TAB2: variants seen among roughly 807,000 people sequenced by gnomAD.
TAB2 encodes TGF-beta activated kinase 1 (MAP3K7) binding protein 2.
Under a neutral mutation model 65.0 loss-of-function variants are expected in TAB2, and 3 were observed. That is an observed-to-expected ratio of 0.05 (90% CI 0.02 to 0.12). TAB2 has a LOEUF of 0.12. TAB2 is among the 10% of genes least tolerant of loss of function. The pLI, the probability that TAB2 is intolerant of heterozygous loss-of-function variation, is 1.00. For missense variants in TAB2, 623 were observed against 840.3 expected (o/e 0.74, Z 3.20); for synonymous variants, 298 against 285.1 (o/e 1.05, Z -0.46).
chr6:149,267,615 G>A (rs1778287415), intron 1 of TAB2, among the ~76,000 whole-genome samples: 1 of 152,034 alleles, frequency 6.6e-6, no homozygotes, highest in Non-Finnish European at 1.5e-5. Context: ...TTGCAGTCAG[G>A]TGTCACTAAC....
At chr6:149,297,463 T>C (rs1235369416) in intron 1 of TAB2, among the ~76,000 whole-genome samples, 1 of 152,186 alleles carries the variant, frequency 6.6e-6, no homozygotes, top group African/African-American at 2.4e-5. Context: ...CCTACTGCAT[T>C]GTTTTAATTT....
chr6:149,278,023 T>G (rs1188409436), intron 1 of TAB2, among the ~76,000 whole-genome samples: 4 of 152,208 alleles, frequency 2.6e-5, no homozygotes, highest in Non-Finnish European at 5.9e-5. Flanking sequence ...TATTTCTCCC[T>G]AGCGAAGCTA....
intron 1 of TAB2, among the ~76,000 whole-genome samples, chr6:149,321,855 A>G (rs1779465493): frequency 1.3e-5 from 2 of 152,170 alleles, no homozygotes; most frequent in African/African-American, 2.4e-5. Flanking sequence ...TTAAAAGTAC[A>G]TTTGTTCAAA....
rs751228202 is a variant in TAB2 at position 149,258,964 on chromosome 6, G to A, written c.-121+40188G>A. Among the ~76,000 whole-genome samples the A allele has an allele frequency of 2.0e-5, 3 of 152,194 alleles. No individual in the cohort carries two copies. The East Asian group carries it at 5.8e-4, about 29-fold the overall frequency. ...ACAACCCACTGCTGGCTTTGAAAATGGAGGAAAGGGCCACAAACCAAAGAA... is the reference window on the plus strand; with the variant it reads ...ACAACCCACTGCTGGCTTTGAAAATAGAGGAAAGGGCCACAAACCAAAGAA... On this transcript the variant is annotated intron_variant, in intron 1 of 1. Coordinates refer to the TAB2 transcript ENST00000606202.
chr6:149,335,752 TTG>T (rs1779915939), intron 1 of TAB2, among the ~76,000 whole-genome samples: 1 of 152,088 alleles, frequency 6.6e-6, no homozygotes, highest in Admixed American at 6.6e-5. Flanking sequence ...TATGAAGTGT[TTG>T]TGATTAAAAT....
intron 1 of TAB2, among the ~76,000 whole-genome samples, chr6:149,227,949 C>T (rs898550201): frequency 6.6e-6 from 1 of 152,004 alleles, no homozygotes; most frequent in African/African-American, 2.4e-5. Flanking sequence ...AAGAAGCCAG[C>T]GTAGCCACAG....
chr6:149,403,295 C>CATAT (rs1190885445), intron 6 of TAB2, among the ~76,000 whole-genome samples: 176 of 76,398 alleles, frequency 2.3e-3, no homozygotes, highest in Admixed American at 4.0e-3. Context: ...CACACACACA[C>CATAT]ATATATATAT....
chr6:149,382,903 C>T (rs1781664526), intron 3 of TAB2, among the ~76,000 whole-genome samples: 1 of 152,132 alleles, frequency 6.6e-6, no homozygotes, highest in African/African-American at 2.4e-5. Context: ...CCTGAAATCC[C>T]AGCACTTTGG....
At position 149,378,220 on chromosome 6, in the gene TAB2, C is replaced by T. The variant is rs1459517185; in HGVS notation, c.305C>T (p.Thr102Ile). ...GGAAGTAGGATGAATGGAAGTAGGA[C>T]TCTAACGCACAGCATTAGTGATGGA... ...REGSRMNGSR[T>I]LTHSISDGQL... Residue 102 changes from threonine to isoleucine, a missense_variant, in exon 3 of 7, where the codon ACT becomes ATT. Physicochemically the swap from Thr to Ile is moderately conservative, Grantham distance 89. Around this residue, in one of 3 missense-constraint regions of TAB2, gnomAD observed 550 missense variants for 665.7 expected, o/e 0.83. Coordinates refer to ENST00000637181, the MANE Select transcript of TAB2 (RefSeq NM_001292034.3). 1.2e-6 allele frequency: 2 copies of T among 1,614,194 alleles called. No homozygotes were observed. Among genetic ancestry groups the T allele is most frequent in the African/African-American group, 1.3e-5 (1 of 75,040 alleles).
At chr6:149,350,714 A>G (rs117169803) in intron 1 of TAB2, among the ~76,000 whole-genome samples, 2,334 of 148,986 alleles carry the variant, frequency 0.016, 50 homozygotes, top group South Asian at 0.096. Context: ...TCCTGGGCTC[A>G]ATGGATCCTC....
At chr6:149,405,284 A>G (rs569108667) in intron 6 of TAB2, among the ~76,000 whole-genome samples, 11 of 152,346 alleles carry the variant, frequency 7.2e-5, no homozygotes, top group African/African-American at 2.6e-4. Flanking sequence ...GATGAGGACA[A>G]AGAGAAAAGA....
chr6:149,274,897 A>G (rs544085498), intron 1 of TAB2, among the ~76,000 whole-genome samples: 117 of 152,276 alleles, frequency 7.7e-4, no homozygotes, highest in African/African-American at 2.7e-3. Context: ...TAACCAGGCC[A>G]GAGAGAGAAC....
chr6:149,305,609 A>AG (rs2114707132), intron 1 of TAB2, among the ~76,000 whole-genome samples: 1 of 152,040 alleles, frequency 6.6e-6, no homozygotes, highest in South Asian at 2.1e-4. Context: ...AAAAAAAAAA[A>AG]CAATAGAACA....
intron 1 of TAB2, among the ~76,000 whole-genome samples, chr6:149,278,087 G>C (rs1778509779): frequency 6.6e-6 from 1 of 152,126 alleles, no homozygotes; most frequent in South Asian, 2.1e-4. Flanking sequence ...CTAACTCTGA[G>C]TCTCTTTGTT....
intron 1 of TAB2, among the ~76,000 whole-genome samples, chr6:149,308,223 A>G (rs543943414): frequency 5.9e-5 from 9 of 152,178 alleles, no homozygotes; most frequent in Non-Finnish European, 8.8e-5. Context: ...ATTTATTCCT[A>G]GGAGTGGAAG....
At chr6:149,307,458 A>C (rs540119671) in intron 1 of TAB2, among the ~76,000 whole-genome samples, 1 of 152,294 alleles carries the variant, frequency 6.6e-6, no homozygotes, top group African/African-American at 2.4e-5. Flanking sequence ...ACCCCTGCCA[A>C]GGAGCCGATT....
At chr6:149,315,887 A>G (rs1562411082), upstream of TAB2, among the ~76,000 whole-genome samples, 1 of 152,204 alleles carries the variant, frequency 6.6e-6, no homozygotes, top group Non-Finnish European at 1.5e-5. Context: ...CCTATAATCT[A>G]TAAAGCATTA....
chr6:149,227,057 G>GA (rs1178167725), intron 1 of TAB2, among the ~76,000 whole-genome samples: 2 of 151,816 alleles, frequency 1.3e-5, no homozygotes, highest in Non-Finnish European at 2.9e-5. Context: ...GCCCTTCAAA[G>GA]AAAAAAAACC....
chr6:149,226,228 C>A (rs1777271949), intron 1 of TAB2, among the ~76,000 whole-genome samples: 1 of 152,108 alleles, frequency 6.6e-6, no homozygotes, highest in South Asian at 2.1e-4. Context: ...GAAGGCCTGC[C>A]CATTATAGGA....
Sources: allele counts gnomAD v4.1 joint callset (sites outside exome capture counted in the v4.1 genomes callset), GRCh38; gene constraint gnomAD v4.1.1; regional missense constraint gnomAD v4.1.1; transcripts MANE v1.5; gene names NCBI Gene and HGNC (gene_info 2026-07-23, HGNC 2026-07-21).